Variants in PLEKHG1 observed in about 807,000 individuals in gnomAD.
PLEKHG1 encodes pleckstrin homology and RhoGEF domain containing G1.
A neutral mutation model predicts 100.8 loss-of-function variants in PLEKHG1; 44 were observed. That is an observed-to-expected ratio of 0.44 (90% CI 0.34 to 0.56). The LOEUF (loss-of-function observed/expected upper bound fraction) is 0.56. Ranked by LOEUF, PLEKHG1 falls within the 20% of genes least tolerant of loss-of-function variation. PLEKHG1 has a pLI of 0.01. For missense variants in PLEKHG1, 1,545 were observed against 1,720.9 expected (o/e 0.90, Z 1.81); for synonymous variants, 640 against 662.5 (o/e 0.97, Z 0.52).
rs538076375 is a variant in PLEKHG1, at chr6:150,707,557, G to A, written c.-98-26027G>A. On this transcript the variant is annotated intron_variant, in intron 3 of 3. Coordinates refer to the PLEKHG1 transcript ENST00000367326. ...GAAGTGCACAGCCAGGGTGACGTGA[G>A]CAAGCTTAGCTCTACCCACTGCTGC... Among the ~76,000 whole-genome samples the A allele has an allele frequency of 2.0e-5, 3 of 152,268 alleles. No homozygotes were observed. In the East Asian group the frequency reaches 5.8e-4, roughly 29 times the overall value.
chr6:150,830,611 G>A (rs764493530), exon 15 of PLEKHG1: 1 of 1,605,770 alleles, frequency 6.2e-7, no homozygotes, highest in East Asian at 2.2e-5. Context: ...CTCCCCAGCT[G>A]TCTTCAGCAA....
intron 2 of PLEKHG1, among the ~76,000 whole-genome samples, chr6:150,646,319 T>C (rs913654624): frequency 1.3e-4 from 20 of 152,056 alleles, no homozygotes; most frequent in African/African-American, 4.8e-4. Context: ...TAGGTCTCGG[T>C]GGCCCTGATT....
chr6:150,636,507 G>A (rs1331953061), intron 1 of PLEKHG1, among the ~76,000 whole-genome samples: 1 of 151,798 alleles, frequency 6.6e-6, no homozygotes, highest in East Asian at 1.9e-4. Context: ...GGTTCACTAG[G>A]GTCTTCTTCT....
chr6:150,600,200 C>A lies in PLEKHG1; in HGVS notation c.-204+183C>A, dbSNP rs1776278291. On this transcript the variant is annotated intron_variant, in intron 1 of 3. Transcript: ENST00000367326. This position sits in a 1 kb window ranked among gnomAD's most constrained non-coding sequence, Gnocchi z 6.2. ...ACGGAGGGCCTTGGGGGGCGCCGAGCGGTGGGGACAGAGGGCGCCGGGGGC... is the reference window on the plus strand; with the variant it reads ...ACGGAGGGCCTTGGGGGGCGCCGAGAGGTGGGGACAGAGGGCGCCGGGGGC... Among the ~76,000 whole-genome samples the A allele has an allele frequency of 6.6e-6, 1 of 150,754 alleles. No homozygotes were observed. The highest frequency in any genetic ancestry group is 2.4e-5 in the African/African-American group (1 of 41,042).
chr6:150,841,332 G>A, exon 16 of PLEKHG1: 1 of 241,768 alleles, frequency 4.1e-6, no homozygotes, highest in East Asian at 1.2e-4. Context: ...AAAGAATTAT[G>A]CTTATATCTC....
At chr6:150,698,889 T>A (rs568430520) in intron 3 of PLEKHG1, among the ~76,000 whole-genome samples, 3 of 152,368 alleles carry the variant, frequency 2.0e-5, no homozygotes, top group African/African-American at 7.2e-5. Flanking sequence ...TGAAAAACAA[T>A]TAAGTTTGTT....
intron 10 of PLEKHG1, among the ~76,000 whole-genome samples, chr6:150,810,154 C>T (rs904478940): frequency 1.3e-5 from 2 of 151,748 alleles, no homozygotes; most frequent in African/African-American, 4.8e-5. Flanking sequence ...AAAGTTAGCA[C>T]CCGGCATGAT....
chr6:150,764,129 T>C (rs1032131325), intron 2 of PLEKHG1, among the ~76,000 whole-genome samples: 8 of 151,632 alleles, frequency 5.3e-5, no homozygotes, highest in Non-Finnish European at 1.0e-4. Context: ...TTTTCTTTTT[T>C]TTTTTAAGAC....
chr6:150,800,949 G>C, intron 6 of PLEKHG1, 80 bp downstream of exon 7: 2 of 1,171,830 alleles, frequency 1.7e-6, no homozygotes, highest in Non-Finnish European at 1.3e-6. Flanking sequence ...GAAAATACCA[G>C]AAAATGCTAT....
At chr6:150,736,298 T>C (rs1371891547) in intron 2 of PLEKHG1, among the ~76,000 whole-genome samples, 1 of 152,208 alleles carries the variant, frequency 6.6e-6, no homozygotes, top group East Asian at 1.9e-4. Flanking sequence ...ACCTGCCTCA[T>C]AGGGTTATTA....
At chr6:150,727,519 G>A (rs1247337056) in intron 1 of PLEKHG1, among the ~76,000 whole-genome samples, 2 of 152,126 alleles carry the variant, frequency 1.3e-5, no homozygotes, top group African/African-American at 4.8e-5. Context: ...GAAAAAATTA[G>A]AGGGATTTGT....
intron 3 of PLEKHG1, among the ~76,000 whole-genome samples, chr6:150,691,702 A>G (rs1780355450): frequency 6.6e-6 from 1 of 152,158 alleles, no homozygotes; most frequent in Admixed American, 6.5e-5. Context: ...TTCTTCTATC[A>G]ATAGAATGGT....
chr6:150,839,781 A>T, intron 15 of PLEKHG1, 52 bp from the exon 17 acceptor site: 2 of 1,089,534 alleles, frequency 1.8e-6, no homozygotes, highest in Non-Finnish European at 2.7e-6. Context: ...TTTAATCTTC[A>T]CGTATAGGAA....
intron 3 of PLEKHG1, among the ~76,000 whole-genome samples, chr6:150,656,268 G>A (rs1325373348): frequency 3.3e-5 from 5 of 152,000 alleles, no homozygotes; most frequent in African/African-American, 4.8e-5. Context: ...AGAGAAAAAG[G>A]ATATGAGTTT....
At chr6:150,663,339 T>C (rs1326158093) in intron 3 of PLEKHG1, 3 of 152,226 alleles carry the variant, frequency 2.0e-5, no homozygotes, top group Non-Finnish European at 4.4e-5. Context: ...AACAGTTGTT[T>C]AGCAAATGGC....
chr6:150,766,701 G>A (rs1363508496), intron 2 of PLEKHG1, among the ~76,000 whole-genome samples: 2 of 152,238 alleles, frequency 1.3e-5, no homozygotes, highest in Non-Finnish European at 2.9e-5. Context: ...GCCATCAGTT[G>A]TTGGATGCTG....
chr6:150,827,203 CT>C (rs1776658135), intron 14 of PLEKHG1, among the ~76,000 whole-genome samples: 3 of 150,768 alleles, frequency 2.0e-5, no homozygotes, highest in African/African-American at 7.3e-5. Flanking sequence ...ATGATTACTT[CT>C]TAATTTAAGA....
exon 16 of PLEKHG1, chr6:150,842,678 G>A (rs1288095593): frequency 1.3e-5 from 2 of 152,130 alleles, no homozygotes; most frequent in Non-Finnish European, 2.9e-5. Context: ...GATCAAAAAA[G>A]ATAAGTACCA....
intron 3 of PLEKHG1, among the ~76,000 whole-genome samples, chr6:150,706,613 CA>C (rs33992485): frequency 5.6e-5 from 8 of 143,962 alleles, no homozygotes; most frequent in Admixed American, 1.4e-4. Context: ...GACTCTGTCT[CA>C]AAAAAAAAAA....
Sources: gnomAD v4.1 joint callset for allele counts (sites outside exome capture counted in the v4.1 genomes callset) on GRCh38, gnomAD v4.1.1 for gene constraint, Gnocchi (gnomAD v3.1) non-coding constraint, MANE v1.5 for transcripts, NCBI Gene and HGNC (gene_info 2026-07-23, HGNC 2026-07-21) for gene names.